The following COL11A1 variants were observed in gnomAD, a reference collection of about 807,000 sequenced individuals.
The protein encoded by COL11A1 is collagen alpha-1(XI) chain.
Under a neutral mutation model 265.2 loss-of-function variants are expected in COL11A1, and 74 were observed. The ratio of observed to expected loss-of-function variants is 0.28; its 90% confidence interval spans 0.23 to 0.34. The LOEUF (loss-of-function observed/expected upper bound fraction) is 0.34, where lower values mean the gene tolerates loss of function less well. COL11A1 is among the 10% of genes least tolerant of loss of function. The pLI is 1.00. For synonymous variants in COL11A1, 816 were observed against 727.6 expected (o/e 1.12, Z -1.96); for missense variants, 2,165 against 2,263.6 (o/e 0.96, Z 0.88).
intron 4 of COL11A1, among the ~76,000 whole-genome samples, chr1:103,069,215 GAATA>G (rs1468588809): frequency 6.6e-6 from 1 of 151,298 alleles, no homozygotes; most frequent in East Asian, 1.9e-4. Flanking sequence ...TAAAAAAAAT[GAATA>G]AATAATAAGG....
At position 102,888,591 on chromosome 1, in the gene COL11A1, G is replaced by A. The variant is rs140954784; in HGVS notation, c.4594C>T (p.Pro1532Ser). 5 of 1,613,140 alleles carry A rather than the reference G, an allele frequency of 3.1e-6. No individual in the cohort carries two copies. The highest frequency in any genetic ancestry group is 1.3e-5 in the African/African-American group (1 of 74,898). Residue 1532 changes from proline to serine, a missense_variant, in exon 62 of 67, where the codon CCT becomes TCT. Transcript: ENST00000370096. ...GQKGDSGLPGPPGSPGPPGEV... is the reference protein window; with the variant it reads ...GQKGDSGLPGSPGSPGPPGEV... ...CATATACTTACTGGAGACCCAGGAG[G>A]CCCTGGAAGACCACTGTCACCTTTC...
chr1:102,889,761 C>T (rs1463871006), intron 58 of COL11A1, among the ~76,000 whole-genome samples, 199 bp from the exon 59 acceptor site: 1 of 152,040 alleles, frequency 6.6e-6, no homozygotes, highest in Non-Finnish European at 1.5e-5. Flanking sequence ...TTACTGCTTA[C>T]TTTAAGTGAG....
At chr1:103,032,679 C>G (rs184296212) in intron 4 of COL11A1, among the ~76,000 whole-genome samples, 1 of 152,058 alleles carries the variant, frequency 6.6e-6, no homozygotes, top group African/African-American at 2.4e-5. Flanking sequence ...ACTGTGGTTA[C>G]TACCTGTGGT....
chr1:102,940,356 C>A lies in COL11A1; in HGVS notation c.3355G>T (p.Ala1119Ser). Residue 1119 changes from alanine (A) to serine (S), a missense_variant, in exon 43 of 67, where the codon GCC becomes TCC. Transcript: ENST00000370096. Reference sequence around the variant, plus strand: ...TCTCCGTCTTCCCCAGGGGAGCCGGCAGGACCAGCTGGCCCTGGGAGACCA... The same window carrying A: ...TCTCCGTCTTCCCCAGGGGAGCCGGAAGGACCAGCTGGCCCTGGGAGACCA... ...PVGLPGPAGP[A>S]GSPGEDGDKG... The A allele has an allele frequency of 6.2e-7, 1 of 1,613,982 alleles. No homozygotes were observed. Among genetic ancestry groups the A allele is most frequent in the Middle Eastern group, 1.7e-4 (1 of 6,054 alleles).
chr1:103,096,278 G>C (rs1673757758), intron 1 of COL11A1, among the ~76,000 whole-genome samples: 1 of 152,012 alleles, frequency 6.6e-6, no homozygotes, highest in Non-Finnish European at 1.5e-5. Context: ...TGCTTTCTTA[G>C]ACTGAGACAG....
intron 1 of COL11A1, among the ~76,000 whole-genome samples, chr1:103,084,845 T>C (rs12727959): frequency 6.6e-6 from 1 of 152,178 alleles, no homozygotes; most frequent in Admixed American, 6.5e-5. Flanking sequence ...ATAGGCTCAC[T>C]GATATAAACC....
intron 42 of COL11A1, among the ~76,000 whole-genome samples, chr1:102,943,482 C>CACACAA (rs61159892): frequency 0.099 from 11,899 of 120,716 alleles, 517 homozygotes; most frequent in African/African-American, 0.12. Context: ...CACACACACA[C>CACACAA]ACAAACAACC....
intron 28 of COL11A1, among the ~76,000 whole-genome samples, chr1:102,990,574 C>T (rs1245937396): frequency 6.6e-6 from 1 of 151,772 alleles, no homozygotes; most frequent in Non-Finnish European, 1.5e-5. Flanking sequence ...TTATTGAAAC[C>T]TAGATTTTTA....
chr1:102,984,058 T>A, intron 31 of COL11A1, 80 bp downstream of exon 31: 1 of 1,025,434 alleles, frequency 9.8e-7, no homozygotes, highest in Non-Finnish European at 1.5e-6. Context: ...ATAGAGATGT[T>A]ACAAATTGTA....
intron 31 of COL11A1, 40 bp from the exon 32 acceptor site, chr1:102,979,475 T>G (rs550164953): frequency 7.4e-7 from 1 of 1,343,784 alleles, no homozygotes; most frequent in South Asian, 1.2e-5. Flanking sequence ...ACATGGCAAT[T>G]AACATTTTCA....
Position 103,087,071 on chromosome 1 carries a change from T to G in COL11A1, c.107-4099A>C, listed in dbSNP as rs1672932930. On this transcript the variant is annotated intron_variant, in intron 1 of 66. Coordinates refer to ENST00000370096, the MANE Select transcript of COL11A1 (RefSeq NM_001854.4). ...TTTGCTAACTGCAACTGTTCAAAGA[T>G]TAAAAGAAGTAATTTTATGGCTAAA... 2.0e-5 allele frequency among the ~76,000 whole-genome samples: 3 copies of G among 152,144 alleles called. No individual in the cohort carries two copies. In the South Asian group the frequency reaches 6.2e-4, roughly 31 times the overall value.
Position 103,024,249 on chromosome 1 carries a change from C to G in COL11A1, c.991-1253G>C, listed in dbSNP as rs1031826752. On this transcript the variant is annotated intron_variant, in intron 7 of 66. Transcript: ENST00000370096. ...TTACATGATCATCCTGCCTCAGCCT[C>G]CTGTGTAGCTGGGACTACAGGCATG... is the stretch of plus-strand genomic sequence containing the variant. Among the ~76,000 whole-genome samples the G allele has an allele frequency of 9.2e-5, 14 of 152,264 alleles. No homozygotes were observed. The East Asian group carries it at 2.7e-3, about 29-fold the overall frequency.
intron 1 of COL11A1, among the ~76,000 whole-genome samples, chr1:103,089,902 G>T (rs1378003470): frequency 6.6e-6 from 1 of 152,176 alleles, no homozygotes; most frequent in East Asian, 1.9e-4. Flanking sequence ...GAGGTGGGTG[G>T]ATCACGAGGT....
intron 1 of COL11A1, among the ~76,000 whole-genome samples, chr1:103,088,059 C>G (rs1673017738): frequency 6.6e-6 from 1 of 152,072 alleles, no homozygotes; most frequent in East Asian, 1.9e-4. Context: ...AGTTTGATCC[C>G]AAGTCTTTGA....
chr1:103,107,383 A>AG (rs1674781818), intron 1 of COL11A1, among the ~76,000 whole-genome samples: 4 of 151,178 alleles, frequency 2.6e-5, no homozygotes, highest in Admixed American at 6.6e-5. Flanking sequence ...GAAGAAGCGG[A>AG]GGGGTGGGGT....
intron 40 of COL11A1, 55 bp downstream of exon 40, chr1:102,962,121 G>A (rs962073496): frequency 5.7e-6 from 8 of 1,400,638 alleles, no homozygotes; most frequent in Non-Finnish European, 7.1e-6. Context: ...GAGAAAAAAT[G>A]CTTCTAATAA....
chr1:103,043,512 C>T (rs1279044255), intron 4 of COL11A1, among the ~76,000 whole-genome samples: 1 of 152,006 alleles, frequency 6.6e-6, no homozygotes, highest in African/African-American at 2.4e-5. Flanking sequence ...TAGGCCTTCT[C>T]ATAGTGAGTA....
chr1:102,970,725 G>A lies in COL11A1; in HGVS notation c.2809-453C>T, dbSNP rs151320428. 4.1e-3 allele frequency among the ~76,000 whole-genome samples: 627 copies of A among 152,128 alleles called. 4 individuals are homozygous for A. The highest frequency in any genetic ancestry group is 0.014 in the African/African-American group (598 of 41,500). ...ATCCGAGCTTCTAACTGACAAGAAG[G>A]CAAAAGAAGGCCGGGCAGGGTGGCT... On this transcript the variant is annotated intron_variant, in intron 36 of 66. Coordinates refer to ENST00000370096, the MANE Select transcript of COL11A1 (RefSeq NM_001854.4).
chr1:102,972,997 A>G (rs1015628372), intron 36 of COL11A1, among the ~76,000 whole-genome samples: 7 of 152,076 alleles, frequency 4.6e-5, no homozygotes, highest in Non-Finnish European at 1.0e-4. Context: ...TACATCATAT[A>G]TATATAAAAT....
Sources: gnomAD v4.1 joint callset for allele counts (sites outside exome capture counted in the v4.1 genomes callset) on GRCh38, gnomAD v4.1.1 for gene constraint, MANE v1.5 for transcripts, NCBI Gene and HGNC (gene_info 2026-07-23, HGNC 2026-07-21) for gene names.